CACHD1: variants seen among roughly 807,000 people sequenced by gnomAD.
CACHD1 encodes the protein cache domain containing 1.
Under a neutral mutation model 138.7 loss-of-function variants are expected in CACHD1, and 71 were observed. The ratio of observed to expected loss-of-function variants is 0.51; its 90% CI spans 0.42 to 0.62. The LOEUF (loss-of-function observed/expected upper bound fraction) is 0.62, where lower values mean the gene tolerates loss of function less well. Among genes scored for constraint, CACHD1 ranks in the 20% least tolerant of loss-of-function variants. The pLI, the probability that CACHD1 is intolerant of heterozygous loss-of-function variation, is 0.00. For synonymous variants in CACHD1, 578 were observed against 591.5 expected (o/e 0.98, Z 0.33); for missense variants, 1,389 against 1,625.3 (o/e 0.85, Z 2.50).
chr1:64,528,461 G>A (rs1646557236), intron 1 of CACHD1, among the ~76,000 whole-genome samples: 1 of 152,134 alleles, frequency 6.6e-6, no homozygotes, highest in Non-Finnish European at 1.5e-5. Context: ...TATTTTTAAT[G>A]AAGATGACAT....
chr1:64,606,552 G>C (rs1160545826), intron 4 of CACHD1, among the ~76,000 whole-genome samples: 3 of 152,156 alleles, frequency 2.0e-5, no homozygotes, highest in African/African-American at 4.8e-5. Flanking sequence ...CTCTGAATGA[G>C]ATAGAAAGCC....
chr1:64,500,947 G>T (rs1331251751), intron 1 of CACHD1, among the ~76,000 whole-genome samples: 3 of 151,760 alleles, frequency 2.0e-5, no homozygotes, highest in Non-Finnish European at 4.4e-5. Context: ...TACTTGGGAG[G>T]CTGAGGCAGG....
At chr1:64,639,116 G>T (rs1162178805) in intron 7 of CACHD1, among the ~76,000 whole-genome samples, 1 of 152,154 alleles carries the variant, frequency 6.6e-6, no homozygotes, top group Admixed American at 6.5e-5. Flanking sequence ...GGCTAAGTGA[G>T]ACAACTTAGA....
At position 64,570,564 on chromosome 1, in the gene CACHD1, A is replaced by G. The variant is rs1346248571; in HGVS notation, c.262-11592A>G. Among the ~76,000 whole-genome samples, 3 of 152,168 alleles carry G rather than the reference A, an allele frequency of 2.0e-5. No homozygotes were observed. The East Asian group carries it at 5.8e-4, about 29-fold the overall frequency. On this transcript the variant is annotated intron_variant, in intron 2 of 26. Transcript: ENST00000651257. ...TGCAGCCAAACAGCCAATAGAAAGC[A>G]GGCATGCCCCAGTTCTTCTGTTTGC...
At chr1:64,657,155 G>A (rs1172861158) in intron 12 of CACHD1, among the ~76,000 whole-genome samples, 3 of 152,080 alleles carry the variant, frequency 2.0e-5, no homozygotes, top group African/African-American at 7.2e-5. Context: ...GTATTCACAT[G>A]TTCCCATGTT....
At chr1:64,548,752 G>C (rs548717134) in intron 1 of CACHD1, among the ~76,000 whole-genome samples, 53 of 152,274 alleles carry the variant, frequency 3.5e-4, no homozygotes, top group African/African-American at 1.3e-3. Context: ...TTCAAGTTAG[G>C]ATTCACTGCC....
intron 1 of CACHD1, among the ~76,000 whole-genome samples, chr1:64,546,703 G>A (rs1418742908): frequency 3.9e-5 from 6 of 152,004 alleles, no homozygotes; most frequent in African/African-American, 1.4e-4. Flanking sequence ...CTATTAACCA[G>A]GAAAATCTTT....
At chr1:64,581,144 C>T (rs1175644576) in intron 2 of CACHD1, among the ~76,000 whole-genome samples, 1 of 151,802 alleles carries the variant, frequency 6.6e-6, no homozygotes, top group Admixed American at 6.6e-5. Context: ...TAATTGAGAC[C>T]CTGAAAGCTA....
chr1:64,690,449 G>A (rs1650510667), intron 26 of CACHD1, among the ~76,000 whole-genome samples: 1 of 152,106 alleles, frequency 6.6e-6, no homozygotes, highest in African/African-American at 2.4e-5. Flanking sequence ...GGAGATTTTT[G>A]CAATATTTAA....
rs969229225 is a variant in CACHD1, at chr1:64,470,585, C to A, written c.-160C>A. On this transcript the variant is annotated 5_prime_UTR_variant, in exon 1 of 27. Coordinates refer to ENST00000651257, the MANE Select transcript of CACHD1 (RefSeq NM_020925.4). This position sits in a 1 kb window ranked among gnomAD's most constrained non-coding sequence, Gnocchi z 5.2. ...CCCGCGCTCCCGCGCTGTAGCCGGG[C>A]GCCCCCTAAGTTTGGGAGCCTTCGC... Among the ~76,000 whole-genome samples, 1 of 151,912 alleles carries A rather than the reference C, an allele frequency of 6.6e-6. No individual in the cohort carries two copies. Among genetic ancestry groups the A allele is most frequent in the Non-Finnish European group, 1.5e-5 (1 of 67,952 alleles).
chr1:64,480,831 A>T (rs745726533), intron 1 of CACHD1, among the ~76,000 whole-genome samples: 2 of 150,814 alleles, frequency 1.3e-5, no homozygotes, highest in Non-Finnish European at 2.9e-5. Context: ...TATGACCTAC[A>T]TCTCTCTCCC....
intron 1 of CACHD1, among the ~76,000 whole-genome samples, chr1:64,516,745 A>G (rs1646462460): frequency 6.6e-6 from 1 of 152,202 alleles, no homozygotes; most frequent in Admixed American, 6.5e-5. Flanking sequence ...TCTTTCTACT[A>G]TACCATAAAG....
intron 1 of CACHD1, among the ~76,000 whole-genome samples, chr1:64,525,173 A>G (rs2100385912): frequency 6.6e-6 from 1 of 152,264 alleles, no homozygotes; most frequent in African/African-American, 2.4e-5. Context: ...TTATATTATA[A>G]TTCTTCTGAA....
At chr1:64,510,807 G>C (rs1298236466) in intron 1 of CACHD1, among the ~76,000 whole-genome samples, 3 of 152,190 alleles carry the variant, frequency 2.0e-5, no homozygotes, top group Non-Finnish European at 4.4e-5. Context: ...TAAATCTCTT[G>C]CAAGATTGTG....
chr1:64,504,129 A>G (rs959785458), intron 1 of CACHD1, among the ~76,000 whole-genome samples: 1 of 152,156 alleles, frequency 6.6e-6, no homozygotes, highest in Non-Finnish European at 1.5e-5. Context: ...CCTGGGCTCT[A>G]GCGATCCTCC....
At chr1:64,502,284 T>C (rs909025894) in intron 1 of CACHD1, among the ~76,000 whole-genome samples, 2 of 152,196 alleles carry the variant, frequency 1.3e-5, no homozygotes, top group African/African-American at 4.8e-5. Context: ...TAAAATTGAT[T>C]TGTTGTATTG....
intron 1 of CACHD1, among the ~76,000 whole-genome samples, chr1:64,528,095 C>A (rs1167155938): frequency 6.6e-6 from 1 of 152,196 alleles, no homozygotes; most frequent in Non-Finnish European, 1.5e-5. Flanking sequence ...GAGAATTTTA[C>A]CATTCTTAAT....
At chr1:64,617,987 AG>A (rs1647771271) in intron 4 of CACHD1, among the ~76,000 whole-genome samples, 1 of 151,958 alleles carries the variant, frequency 6.6e-6, no homozygotes, top group Non-Finnish European at 1.5e-5. Context: ...GGCTGAGGCA[AG>A]AGAATCACTT....
At chr1:64,510,786 A>T (rs1570317327) in intron 1 of CACHD1, among the ~76,000 whole-genome samples, 1 of 152,236 alleles carries the variant, frequency 6.6e-6, no homozygotes, top group East Asian at 1.9e-4. Context: ...AGACAATGCC[A>T]AGTGCTCCTG....
Sources: allele counts gnomAD v4.1 joint callset (sites outside exome capture counted in the v4.1 genomes callset), GRCh38; gene constraint gnomAD v4.1.1; non-coding constraint Gnocchi (gnomAD v3.1); transcripts MANE v1.5; gene names NCBI Gene and HGNC (gene_info 2026-07-23, HGNC 2026-07-21).